AHCYL1: variants seen among roughly 807,000 people sequenced by gnomAD.
The protein encoded by AHCYL1 is S-adenosylhomocysteine hydrolase-like protein 1.
AHCYL1 carries 20 observed loss-of-function variants against 79.3 expected under a neutral mutation model. The observed-to-expected ratio is 0.25, with a 90% confidence interval of 0.18 to 0.37. AHCYL1 has a LOEUF of 0.37. Ranked by LOEUF, AHCYL1 falls within the 10% of genes least tolerant of loss-of-function variation. The pLI is 1.00. For synonymous variants in AHCYL1, 223 were observed against 242.2 expected, an observed-to-expected ratio of 0.92 and a Z score of 0.74; for missense variants, 330 against 673.6, an observed-to-expected ratio of 0.49 and a Z score of 5.65.
intron 1 of AHCYL1, among the ~76,000 whole-genome samples, chr1:110,008,462 G>A (rs1349868177): frequency 6.6e-6 from 1 of 151,958 alleles, no homozygotes; most frequent in African/African-American, 2.4e-5. Flanking sequence ...AATAGGATAG[G>A]AGGTTCTAGA....
intron 16 of AHCYL1, 119 bp from the exon 17 acceptor site, chr1:110,021,555 T>A: frequency 1.1e-6 from 1 of 899,968 alleles, no homozygotes; most frequent in Admixed American, 2.1e-5. Flanking sequence ...GGGGAATGAC[T>A]GCAGGGATCC....
At chr1:110,007,158 C>T (rs1482942942) in intron 1 of AHCYL1, among the ~76,000 whole-genome samples, 1 of 152,112 alleles carries the variant, frequency 6.6e-6, no homozygotes, top group Non-Finnish European at 1.5e-5. Flanking sequence ...GCAGTTCCCT[C>T]CCCCACCCTC....
chr1:110,008,359 C>T (rs888248979), intron 1 of AHCYL1, among the ~76,000 whole-genome samples: 2 of 152,116 alleles, frequency 1.3e-5, no homozygotes, highest in Admixed American at 1.3e-4. Flanking sequence ...TTTCTCCTTC[C>T]TTCAGATTAG....
At chr1:109,997,115 A>C (rs919106701) in intron 1 of AHCYL1, among the ~76,000 whole-genome samples, 3 of 152,248 alleles carry the variant, frequency 2.0e-5, no homozygotes, top group Admixed American at 6.5e-5. Flanking sequence ...AATGCTAAGA[A>C]TGATTCTGAC....
At chr1:109,999,129 C>T (rs1434225113) in intron 1 of AHCYL1, among the ~76,000 whole-genome samples, 2 of 151,266 alleles carry the variant, frequency 1.3e-5, no homozygotes, top group East Asian at 3.9e-4. Context: ...TTACTTTAGT[C>T]TTGGTGACAG....
At position 110,018,567 on chromosome 1, in the gene AHCYL1, C is replaced by T. The variant is rs1380487059; in HGVS notation, c.1234C>T (p.Pro412Ser). 1.2e-6 allele frequency: 2 copies of T among 1,613,962 alleles called. No homozygotes were observed. Among genetic ancestry groups the T allele is most frequent in the Non-Finnish European group, 1.7e-6 (2 of 1,180,028 alleles). The change falls in exon 13 of 17, where the codon CCG (proline) becomes TCG (serine). Residue 412 changes from proline (P) to serine (S), a missense_variant. Physicochemically the swap from Pro to Ser is moderately conservative, Grantham distance 74. This residue lies in a region of AHCYL1 where 119 missense variants were observed against 293.3 expected (regional missense o/e 0.41). Coordinates refer to ENST00000369799, the MANE Select transcript of AHCYL1 (RefSeq NM_006621.7). ...TTCCTTTCAGACCAGCCTCCGCACT[C>T]CGGAGCTGACGTGGGAGCGAGTACG... ...TEIDVTSLRT[P>S]ELTWERVRSQ...
chr1:110,013,053 TA>T, intron 5 of AHCYL1, 54 bp downstream of exon 5: 1 of 1,408,784 alleles, frequency 7.1e-7, no homozygotes. Flanking sequence ...TCCAAACATA[TA>T]ACTTTTTTGT....
At chr1:109,986,356 A>G (rs1570837204) in intron 1 of AHCYL1, among the ~76,000 whole-genome samples, 1 of 150,652 alleles carries the variant, frequency 6.6e-6, no homozygotes, top group South Asian at 2.1e-4. Context: ...TTAACCTGCC[A>G]CTCCAGAAAT....
chr1:110,016,038 G>T (rs1015364697), intron 7 of AHCYL1, among the ~76,000 whole-genome samples: 3 of 152,022 alleles, frequency 2.0e-5, no homozygotes, highest in Non-Finnish European at 4.4e-5. Flanking sequence ...TCAGAAGTAG[G>T]CATGGGTTTC....
chr1:109,993,655 A>G (rs1649879009), intron 1 of AHCYL1, among the ~76,000 whole-genome samples: 3 of 152,216 alleles, frequency 2.0e-5, no homozygotes, highest in African/African-American at 7.2e-5. Context: ...TCCCTTTATA[A>G]AGCCAGAAAT....
chr1:110,011,799 G>A (rs934063424), intron 3 of AHCYL1, among the ~76,000 whole-genome samples: 1 of 152,184 alleles, frequency 6.6e-6, no homozygotes, highest in Admixed American at 6.5e-5. Context: ...ACCCTCTGCT[G>A]GAGCAGAGTA....
rs373050752 is a variant in AHCYL1, at chr1:110,020,864, G to A, written c.1586+13G>A. 6.2e-7 allele frequency: 1 copy of A among 1,606,444 alleles called. No homozygotes were observed. The highest frequency in any genetic ancestry group is 1.3e-5 in the African/African-American group (1 of 74,314). On this transcript the variant is annotated intron_variant, in intron 16 of 16. Coordinates refer to ENST00000369799, the MANE Select transcript of AHCYL1 (RefSeq NM_006621.7). Reference sequence around the variant, plus strand: ...CTAATTATTACAGGTAACCTGGGGAGAAGCAAGTGAAAAGCTCTTTTTCCC... The same window carrying A: ...CTAATTATTACAGGTAACCTGGGGAAAAGCAAGTGAAAAGCTCTTTTTCCC...
chr1:110,003,517 G>C lies in AHCYL1; in HGVS notation c.121-5517G>C, dbSNP rs116079512. 9.1e-3 allele frequency among the ~76,000 whole-genome samples: 1,387 copies of C among 152,150 alleles called. 24 individuals carry two copies. The highest frequency in any genetic ancestry group is 0.032 in the African/African-American group (1,343 of 41,484). ...GCTAGCGAGTGGGGATGGAGGGTAG[G>C]GGGTGGGAGAGGAGACTTTAATGTT... On this transcript the variant is annotated intron_variant, in intron 1 of 16. Coordinates refer to ENST00000369799, the MANE Select transcript of AHCYL1 (RefSeq NM_006621.7).
chr1:110,012,483 G>C (rs771545166), intron 4 of AHCYL1, 21 bp downstream of exon 4: 2 of 1,555,020 alleles, frequency 1.3e-6, no homozygotes, highest in Non-Finnish European at 1.7e-6. Flanking sequence ...TGGAAGAAAA[G>C]AGGGACTTCT....
intron 4 of AHCYL1, 100 bp downstream of exon 4, chr1:110,012,562 T>G (rs540174263): frequency 1.0e-6 from 1 of 977,794 alleles, no homozygotes; most frequent in African/African-American, 1.7e-5. Flanking sequence ...AACCTCCAAA[T>G]GCTAACTATT....
chr1:110,009,146 G>A lies in AHCYL1; in HGVS notation c.232+1G>A. On this transcript the variant is annotated splice_donor_variant, in intron 2 of 16. Coordinates refer to ENST00000369799, the MANE Select transcript of AHCYL1 (RefSeq NM_006621.7). LOFTEE classifies it high-confidence loss of function. Reference sequence around the variant, plus strand: ...TCCTCCACTGACAGCTACAGTTCAGGTAGGTGTGAATGAACTCCATGTCCT... The same window carrying A: ...TCCTCCACTGACAGCTACAGTTCAGATAGGTGTGAATGAACTCCATGTCCT... The A allele has an allele frequency of 6.2e-7, 1 of 1,610,682 alleles. No individual in the cohort carries two copies. Among genetic ancestry groups the A allele is most frequent in the Middle Eastern group, 1.7e-4 (1 of 6,050 alleles).
intron 5 of AHCYL1, among the ~76,000 whole-genome samples, chr1:110,013,258 C>T (rs1651169924): frequency 6.6e-6 from 1 of 152,032 alleles, no homozygotes; most frequent in East Asian, 1.9e-4. Flanking sequence ...GTTAGTTGAA[C>T]GAGGAAGAAT....
chr1:110,013,662 A>T (rs1287456414), intron 5 of AHCYL1, among the ~76,000 whole-genome samples: 3 of 152,064 alleles, frequency 2.0e-5, no homozygotes, highest in Non-Finnish European at 4.4e-5. Context: ...GTGAGCCGAG[A>T]TCATGCCACT....
In AHCYL1 at chr1:109,984,944, G is replaced by A. The variant is rs1052533787; in HGVS notation, c.-109G>A. On this transcript the variant is annotated 5_prime_UTR_variant, in exon 1 of 17. Coordinates refer to ENST00000369799, the MANE Select transcript of AHCYL1 (RefSeq NM_006621.7). ...CGCAGCTCGACGCAGGGGCCGGCAG[G>A]AGGGTGGGCGATCGCGTGTCGGAGG... 5 of 1,343,558 alleles carry A rather than the reference G, an allele frequency of 3.7e-6. No homozygotes were observed. The highest frequency in any genetic ancestry group is 3.8e-6 in the Non-Finnish European group (4 of 1,049,424). 83.2% of individuals were successfully genotyped at this position (1,343,558 alleles called of 1,614,324 possible).
Sources: allele counts gnomAD v4.1 joint callset (sites outside exome capture counted in the v4.1 genomes callset), GRCh38; gene constraint gnomAD v4.1.1; regional missense constraint gnomAD v4.1.1; transcripts MANE v1.5; gene names NCBI Gene and HGNC (gene_info 2026-07-23, HGNC 2026-07-21).